The following B3GALT1 variants were observed in gnomAD, a reference collection of about 807,000 sequenced individuals.
B3GALT1 encodes the protein UDP-Gal:betaGlcNAc beta 1,3-galactosyltransferase, polypeptide 1.
B3GALT1 carries 10 observed loss-of-function variants against 23.2 expected under a neutral mutation model. The observed-to-expected ratio is 0.43, with a 90% CI of 0.27 to 0.73. B3GALT1 has a LOEUF of 0.73. B3GALT1 is among the 30% of genes least tolerant of loss of function. The pLI, the probability that B3GALT1 is intolerant of heterozygous loss-of-function variation, is 0.21. For synonymous variants in B3GALT1, 156 were observed against 141.5 expected (o/e 1.10, Z -0.73); for missense variants, 299 against 405.4 (o/e 0.74, Z 2.25).
At chr2:167,504,755 G>A (rs1292149494) in intron 2 of B3GALT1, among the ~76,000 whole-genome samples, 2 of 152,106 alleles carry the variant, frequency 1.3e-5, no homozygotes, top group African/African-American at 2.4e-5. Context: ...CAGATACTTA[G>A]CATTGTGTTA....
At chr2:167,666,484 A>G (rs1240515294) in intron 3 of B3GALT1, among the ~76,000 whole-genome samples, 1 of 152,056 alleles carries the variant, frequency 6.6e-6, no homozygotes, top group East Asian at 1.9e-4. Context: ...TGCAGGGCTG[A>G]GTTCAATTCC....
At chr2:167,351,503 A>C (rs186288506) in intron 1 of B3GALT1, among the ~76,000 whole-genome samples, 1 of 152,188 alleles carries the variant, frequency 6.6e-6, no homozygotes, top group African/African-American at 2.4e-5. Flanking sequence ...CATCAAAAAT[A>C]AGAGAGAATT....
chr2:167,739,348 A>G (rs1216790332), intron 3 of B3GALT1, among the ~76,000 whole-genome samples: 1 of 152,164 alleles, frequency 6.6e-6, no homozygotes, highest in Non-Finnish European at 1.5e-5. Flanking sequence ...TATTCATAAG[A>G]CGTAACAGCT....
At chr2:167,380,627 C>T (rs967245792) in intron 1 of B3GALT1, among the ~76,000 whole-genome samples, 1 of 152,144 alleles carries the variant, frequency 6.6e-6, no homozygotes, top group Non-Finnish European at 1.5e-5. Flanking sequence ...ATCCTGTTCT[C>T]AGTCCTGGGT....
At chr2:167,301,368 A>G (rs1696442546) in intron 1 of B3GALT1, among the ~76,000 whole-genome samples, 1 of 152,192 alleles carries the variant, frequency 6.6e-6, no homozygotes, top group Non-Finnish European at 1.5e-5. Flanking sequence ...GGGTACCATC[A>G]CTGATGGGCT....
intron 2 of B3GALT1, among the ~76,000 whole-genome samples, chr2:167,646,663 C>A (rs1175127176): frequency 6.6e-6 from 1 of 152,022 alleles, no homozygotes; most frequent in Non-Finnish European, 1.5e-5. Context: ...ACCATTTATT[C>A]CCTGAGGGTG....
In B3GALT1 at chr2:167,556,841, A is replaced by C. The variant is rs574836021; in HGVS notation, c.-410+66564A>C. On this transcript the variant is annotated intron_variant, in intron 2 of 4. Coordinates refer to ENST00000392690, the MANE Select transcript of B3GALT1 (RefSeq NM_020981.4). ...CTTGTGGAAAAACTGATTACTTCTT[A>C]CTGTGTGCCATCTTCCTGCAATGGA... Among the ~76,000 whole-genome samples, 3 of 152,276 alleles carry C rather than the reference A, an allele frequency of 2.0e-5. 1 individual carries two copies. Among genetic ancestry groups the C allele is most frequent in the African/African-American group, 7.2e-5 (3 of 41,562 alleles).
At chr2:167,719,781 A>C (rs1481202962) in intron 3 of B3GALT1, among the ~76,000 whole-genome samples, 1 of 152,064 alleles carries the variant, frequency 6.6e-6, no homozygotes, top group African/African-American at 2.4e-5. Flanking sequence ...AGAATACAAA[A>C]ATTAGCCAGG....
intron 2 of B3GALT1, among the ~76,000 whole-genome samples, chr2:167,542,404 T>C (rs1433753689): frequency 6.6e-6 from 1 of 152,158 alleles, no homozygotes; most frequent in Non-Finnish European, 1.5e-5. Context: ...TTATTCTGTG[T>C]TTAAAATGTG....
At chr2:167,469,147 G>A (rs555028335) in intron 1 of B3GALT1, among the ~76,000 whole-genome samples, 101 of 152,270 alleles carry the variant, frequency 6.6e-4, no homozygotes, top group Middle Eastern at 3.4e-3. Flanking sequence ...GAGCTATGTA[G>A]TGGTATTCTG....
intron 2 of B3GALT1, among the ~76,000 whole-genome samples, chr2:167,531,002 G>A (rs1464269788): frequency 6.6e-6 from 1 of 152,140 alleles, no homozygotes; most frequent in African/African-American, 2.4e-5. Flanking sequence ...GAACTGTTTA[G>A]CCATTTCAAG....
chr2:167,819,624 C>T (rs1460233221), intron 4 of B3GALT1, among the ~76,000 whole-genome samples: 2 of 152,172 alleles, frequency 1.3e-5, no homozygotes, highest in Non-Finnish European at 2.9e-5. Context: ...TTCTAAACTA[C>T]AGTTTCCTTG....
chr2:167,730,409 C>T (rs140239431), intron 3 of B3GALT1, among the ~76,000 whole-genome samples: 4 of 152,132 alleles, frequency 2.6e-5, no homozygotes, highest in South Asian at 2.1e-4. Context: ...AACCTTCTCA[C>T]GGTGCTAACA....
intron 2 of B3GALT1, among the ~76,000 whole-genome samples, chr2:167,534,628 T>C (rs1038058728): frequency 4.6e-5 from 7 of 152,190 alleles, no homozygotes; most frequent in Admixed American, 3.3e-4. Context: ...GATCCCAAGA[T>C]AGTAGTTGAG....
intron 1 of B3GALT1, among the ~76,000 whole-genome samples, chr2:167,327,381 A>G (rs538840708): frequency 2.0e-5 from 3 of 152,260 alleles, no homozygotes; most frequent in South Asian, 2.1e-4. Context: ...CTTCTGATCC[A>G]TGAATATAGG....
chr2:167,466,969 C>T (rs891982812), intron 1 of B3GALT1, among the ~76,000 whole-genome samples: 1 of 147,700 alleles, frequency 6.8e-6, no homozygotes, highest in South Asian at 2.2e-4. Context: ...CTCAGGCAAT[C>T]TGCCTGCCTC....
intron 1 of B3GALT1, among the ~76,000 whole-genome samples, chr2:167,434,613 T>G (rs1698751045): frequency 6.6e-6 from 1 of 152,000 alleles, no homozygotes; most frequent in Non-Finnish European, 1.5e-5. Flanking sequence ...GTCCCCAGTT[T>G]ATATGTTCAC....
intron 2 of B3GALT1, among the ~76,000 whole-genome samples, chr2:167,511,287 A>G (rs148238558): frequency 1.3e-4 from 20 of 152,290 alleles, no homozygotes; most frequent in African/African-American, 4.8e-4. Context: ...CATGGGAGGG[A>G]CCAGATGGAA....
rs60408245 is a variant in B3GALT1, at chr2:167,507,504, C to CAAA, written c.-410+17251_-410+17253dup. On this transcript the variant is annotated intron_variant, in intron 2 of 4. Transcript: ENST00000392690. ...CTGGAGACAGAGGAAGACTCCGTCT[C>CAAA]AAAAAAAAAAAAAAAAAAAAAAAAA... 7.5e-4 allele frequency among the ~76,000 whole-genome samples: 20 copies of CAAA among 26,604 alleles called. 1 individual carries two copies. Among genetic ancestry groups the CAAA allele is most frequent in the African/African-American group, 1.4e-3 (16 of 11,844 alleles). 17.5% of individuals were successfully genotyped at this position (26,604 alleles called of 152,430 possible).
Sources: gnomAD v4.1 joint callset for allele counts (sites outside exome capture counted in the v4.1 genomes callset) on GRCh38, gnomAD v4.1.1 for gene constraint, MANE v1.5 for transcripts, NCBI Gene and HGNC (gene_info 2026-07-23, HGNC 2026-07-21) for gene names.